Variants in CSMD1 observed in about 807,000 individuals in gnomAD.
CSMD1 encodes the protein CUB and sushi domain-containing protein 1.
CSMD1 carries 213 observed loss-of-function variants against 417.5 expected under a neutral mutation model. The observed-to-expected ratio is 0.51, with a 90% CI of 0.46 to 0.57. The LOEUF is 0.57. Ranked by LOEUF, CSMD1 falls within the 20% of genes least tolerant of loss-of-function variation. The probability of loss-of-function intolerance (pLI) is 0.00; values close to 1 mark genes in which losing one functional copy is unlikely to be tolerated. For synonymous variants in CSMD1, 2,862 were observed against 1,736.8 expected (o/e 1.65, Z -16.11); for missense variants, 6,923 against 4,529.7 (o/e 1.53, Z -15.17).
intron 23 of CSMD1, among the ~76,000 whole-genome samples, chr8:3,336,004 T>A (rs75891637): frequency 0.04 from 6,131 of 152,236 alleles, 370 homozygotes; most frequent in East Asian, 0.25. Context: ...TGAGTAATCC[T>A]TAAGCCTAGA....
chr8:3,938,770 A>G (rs1465177852), intron 5 of CSMD1, among the ~76,000 whole-genome samples: 1 of 152,166 alleles, frequency 6.6e-6, no homozygotes, highest in Non-Finnish European at 1.5e-5. Context: ...CTTTGTTGTT[A>G]ATGTGACACG....
In CSMD1 at chr8:4,762,703, C is replaced by A. The variant is rs1374125212; in HGVS notation, c.86-125145G>T. ...TAAGGTCATTATTCAGGCCCAGATG[C>A]ATCACCAGAGCGAGCTATTGTGCTT... On this transcript the variant is annotated intron_variant, in intron 1 of 69. Coordinates refer to ENST00000635120, the MANE Select transcript of CSMD1 (RefSeq NM_033225.6). Among the ~76,000 whole-genome samples the A allele has an allele frequency of 4.6e-5, 7 of 152,276 alleles. No individual in the cohort carries two copies. In the East Asian group the frequency reaches 1.4e-3, roughly 29 times the overall value.
intron 4 of CSMD1, among the ~76,000 whole-genome samples, chr8:4,031,081 T>G (rs913559254): frequency 6.6e-6 from 1 of 152,160 alleles, no homozygotes; most frequent in Non-Finnish European, 1.5e-5. Context: ...TCTAGAGAAT[T>G]CCAAAACTTC....
chr8:4,401,689 C>G lies in CSMD1; in HGVS notation c.415+18264G>C, dbSNP rs1271585728. ...TCTCATCCCAAATACCGGAAAAACT[C>G]ACCTCCCATCTAATCCTCCTTCTTT... On this transcript the variant is annotated intron_variant, in intron 3 of 69. Coordinates refer to ENST00000635120, the MANE Select transcript of CSMD1 (RefSeq NM_033225.6). Among the ~76,000 whole-genome samples the G allele has an allele frequency of 2.0e-5, 3 of 152,178 alleles. No homozygotes were observed. In the East Asian group the frequency reaches 5.8e-4, roughly 30 times the overall value.
chr8:4,275,307 G>A (rs1047689043), intron 3 of CSMD1, among the ~76,000 whole-genome samples: 10 of 152,206 alleles, frequency 6.6e-5, no homozygotes, highest in South Asian at 2.1e-4. Flanking sequence ...GAAACTGTAA[G>A]GTCAGAAGGT....
chr8:4,374,962 G>GGGTT (rs372912827), intron 3 of CSMD1, among the ~76,000 whole-genome samples: 3 of 49,798 alleles, frequency 6.0e-5, no homozygotes, highest in Admixed American at 4.4e-4. Flanking sequence ...AAGGTGGGGT[G>GGGTT]GGGGGGGGGG....
chr8:4,783,611 G>C (rs1180312890), intron 1 of CSMD1, among the ~76,000 whole-genome samples: 5 of 152,234 alleles, frequency 3.3e-5, no homozygotes, highest in Non-Finnish European at 7.3e-5. Context: ...TCTCATTGCA[G>C]TGCCTCTTTT....
intron 5 of CSMD1, among the ~76,000 whole-genome samples, chr8:3,855,952 T>C (rs760593806): frequency 3.9e-5 from 6 of 152,194 alleles, no homozygotes; most frequent in Non-Finnish European, 8.8e-5. Context: ...CAGAAGCATC[T>C]CCCTACTACT....
intron 21 of CSMD1, among the ~76,000 whole-genome samples, chr8:3,352,746 C>T (rs556279499): frequency 1.4e-4 from 21 of 152,090 alleles, no homozygotes; most frequent in African/African-American, 3.1e-4. Context: ...AGGCTGAGGC[C>T]GGAGACTTGC....
chr8:4,436,572 T>C (rs541770715), intron 2 of CSMD1, among the ~76,000 whole-genome samples: 1 of 152,232 alleles, frequency 6.6e-6, no homozygotes, highest in Admixed American at 6.5e-5. Flanking sequence ...AAATTGACAG[T>C]TACTGTTGAT....
intron 3 of CSMD1, among the ~76,000 whole-genome samples, chr8:4,091,327 G>C (rs1352592512): frequency 6.6e-6 from 1 of 152,088 alleles, no homozygotes. Context: ...TTTTGTTGTA[G>C]TTAGAATGAT....
At chr8:3,726,684 T>C (rs180880807) in intron 6 of CSMD1, among the ~76,000 whole-genome samples, 66 of 152,278 alleles carry the variant, frequency 4.3e-4, no homozygotes, top group African/African-American at 1.5e-3. Flanking sequence ...TTCTGGTTTG[T>C]GAGTGGTACG....
chr8:4,091,357 T>C (rs937024947), intron 3 of CSMD1, among the ~76,000 whole-genome samples: 1 of 152,212 alleles, frequency 6.6e-6, no homozygotes, highest in Non-Finnish European at 1.5e-5. Flanking sequence ...GAATTTGAAA[T>C]GTCCATGGAA....
chr8:3,471,462 A>AAATCTGGCTT (rs1817094107), intron 11 of CSMD1, among the ~76,000 whole-genome samples: 2 of 152,104 alleles, frequency 1.3e-5, no homozygotes, highest in African/African-American at 4.8e-5. Context: ...TCTATATATC[A>AAATCTGGCTT]AGTTTGGAAT....
intron 5 of CSMD1, among the ~76,000 whole-genome samples, chr8:3,827,453 G>A (rs1585054345): frequency 6.6e-6 from 1 of 152,124 alleles, no homozygotes; most frequent in South Asian, 2.1e-4. Flanking sequence ...TATTTTAATA[G>A]TGCAAAACCT....
chr8:4,542,418 A>G (rs1164693917), intron 2 of CSMD1, among the ~76,000 whole-genome samples: 3 of 152,224 alleles, frequency 2.0e-5, no homozygotes, highest in South Asian at 2.1e-4. Flanking sequence ...AAATCTCACT[A>G]GACACTGACG....
intron 1 of CSMD1, among the ~76,000 whole-genome samples, chr8:4,780,614 G>A (rs939894155): frequency 6.6e-6 from 1 of 151,868 alleles, no homozygotes; most frequent in Non-Finnish European, 1.5e-5. Flanking sequence ...GTGGTATTTG[G>A]TTACATGAAC....
At chr8:3,506,011 A>C (rs901529813) in intron 10 of CSMD1, among the ~76,000 whole-genome samples, 1 of 152,234 alleles carries the variant, frequency 6.6e-6, no homozygotes, top group Non-Finnish European at 1.5e-5. Context: ...ATTTATTCTT[A>C]CATATTAAAC....
chr8:4,725,816 G>C (rs1248042308), intron 1 of CSMD1, among the ~76,000 whole-genome samples: 1 of 152,134 alleles, frequency 6.6e-6, no homozygotes, highest in African/African-American at 2.4e-5. Context: ...GGTTGGAACT[G>C]AGTGTAATGT....
Sources: gnomAD v4.1 joint callset for allele counts (sites outside exome capture counted in the v4.1 genomes callset) on GRCh38, gnomAD v4.1.1 for gene constraint, MANE v1.5 for transcripts, NCBI Gene and HGNC (gene_info 2026-07-23, HGNC 2026-07-21) for gene names.